Variants in PTPRD observed in about 807,000 individuals in gnomAD.
PTPRD encodes the protein receptor-type tyrosine-protein phosphatase delta.
PTPRD carries 34 observed loss-of-function variants against 214.5 expected under a neutral mutation model. The observed-to-expected ratio is 0.16, with a 90% CI of 0.12 to 0.21. PTPRD has a LOEUF of 0.21. Ranked by LOEUF, PTPRD falls within the 10% of genes least tolerant of loss-of-function variation. The pLI, the probability that PTPRD is intolerant of heterozygous loss-of-function variation, is 1.00. For synonymous variants in PTPRD, 1,128 were observed against 845.7 expected (o/e 1.33, Z -5.79); for missense variants, 2,545 against 2,398.7 (o/e 1.06, Z -1.27).
intron 3 of PTPRD, among the ~76,000 whole-genome samples, chr9:10,193,097 C>A (rs1234610345): frequency 6.6e-6 from 1 of 152,070 alleles, no homozygotes; most frequent in Admixed American, 6.6e-5. Flanking sequence ...TGTCAATTTC[C>A]AGATTTTTCA....
At chr9:10,170,069 G>C (rs1233489142) in intron 3 of PTPRD, among the ~76,000 whole-genome samples, 2 of 152,128 alleles carry the variant, frequency 1.3e-5, no homozygotes, top group Non-Finnish European at 2.9e-5. Flanking sequence ...AAACAGAAGG[G>C]ACTTTTGCAT....
chr9:10,077,331 G>A (rs1054009327), intron 3 of PTPRD, among the ~76,000 whole-genome samples: 1 of 152,058 alleles, frequency 6.6e-6, no homozygotes, highest in African/African-American at 2.4e-5. Flanking sequence ...TCATGCAAAT[G>A]TACTCTAGCT....
intron 44 of PTPRD, among the ~76,000 whole-genome samples, chr9:8,330,608 A>T (rs1288547721): frequency 6.6e-6 from 1 of 152,184 alleles, no homozygotes; most frequent in Non-Finnish European, 1.5e-5. Flanking sequence ...TTTGCTTCTT[A>T]TAACATGCCT....
At chr9:8,602,629 G>C (rs1444839509) in intron 14 of PTPRD, among the ~76,000 whole-genome samples, 2 of 152,166 alleles carry the variant, frequency 1.3e-5, no homozygotes, top group Non-Finnish European at 2.9e-5. Flanking sequence ...CTTTGTAATA[G>C]TCTCATGTGC....
At chr9:8,328,328 G>T (rs567989152) in intron 44 of PTPRD, among the ~76,000 whole-genome samples, 5 of 151,950 alleles carry the variant, frequency 3.3e-5, no homozygotes, top group South Asian at 2.1e-4. Context: ...TTTTCTTTAG[G>T]AATGTTGAAT....
chr9:8,948,545 ATATATATTTATATATATT>A (rs2099084493), intron 11 of PTPRD, among the ~76,000 whole-genome samples: 2 of 85,214 alleles, frequency 2.3e-5, no homozygotes, highest in African/African-American at 9.5e-5. Context: ...ATATATATTT[ATATATATTTATATATATT>A]TATATATATA....
At chr9:9,912,068 T>C (rs1212687468) in intron 5 of PTPRD, among the ~76,000 whole-genome samples, 3 of 152,146 alleles carry the variant, frequency 2.0e-5, no homozygotes, top group Admixed American at 6.6e-5. Flanking sequence ...CTTGCTGATA[T>C]ATCTGCAATA....
At chr9:9,945,981 T>C (rs1356733808) in intron 4 of PTPRD, among the ~76,000 whole-genome samples, 2 of 146,984 alleles carry the variant, frequency 1.4e-5, no homozygotes, top group Admixed American at 1.4e-4. Flanking sequence ...GATATAAAAT[T>C]TAAAATGATA....
At chr9:8,421,527 G>A (rs1402276299) in intron 35 of PTPRD, among the ~76,000 whole-genome samples, 1 of 152,108 alleles carries the variant, frequency 6.6e-6, no homozygotes, top group African/African-American at 2.4e-5. Flanking sequence ...TGAAGACCCT[G>A]TAATCCCTTG....
chr9:9,937,142 G>A (rs573528067), intron 5 of PTPRD, among the ~76,000 whole-genome samples: 64 of 152,004 alleles, frequency 4.2e-4, no homozygotes, highest in African/African-American at 1.5e-3. Flanking sequence ...GAGTTAATGG[G>A]TGCAGCGCAC....
At chr9:10,518,823 C>T (rs187240259) in intron 2 of PTPRD, among the ~76,000 whole-genome samples, 34 of 151,860 alleles carry the variant, frequency 2.2e-4, no homozygotes, top group Admixed American at 1.9e-3. Flanking sequence ...TGAGCCACCG[C>T]GCTCAGCCTT....
At position 8,493,080 on chromosome 9, in the gene PTPRD, C is replaced by T. The variant is rs1358559273; in HGVS notation, c.2350-101G>A. 4 of 933,564 alleles carry T rather than the reference C, an allele frequency of 4.3e-6. No homozygotes were observed. The East Asian group carries it at 7.4e-5, about 17-fold the overall frequency. The allele number at this position is 933,564 out of a possible 1,614,324, so 57.8% of individuals were successfully genotyped here. A position where few individuals can be genotyped will look rare whatever the true frequency, so the allele number is the denominator to read the frequency against. On this transcript the variant is annotated intron_variant, in intron 26 of 45. Transcript: ENST00000381196. ...CTTCATTCTGCAAATGCTCGCACATCCCTTGCAGCCATGCTAAGCCCTGGA... is the reference window on the plus strand; with the variant it reads ...CTTCATTCTGCAAATGCTCGCACATTCCTTGCAGCCATGCTAAGCCCTGGA...
At chr9:10,053,593 G>A (rs2097571581) in intron 3 of PTPRD, among the ~76,000 whole-genome samples, 1 of 152,090 alleles carries the variant, frequency 6.6e-6, no homozygotes, top group African/African-American at 2.4e-5. Flanking sequence ...TAAATGAACA[G>A]CAGTTGAACC....
intron 5 of PTPRD, among the ~76,000 whole-genome samples, chr9:9,782,277 G>A (rs1629016): frequency 0.48 from 73,298 of 151,844 alleles, 18,506 homozygotes; most frequent in East Asian, 0.72. Flanking sequence ...CTGTCTTACA[G>A]GTACCTCTAA....
chr9:9,368,081 A>G (rs2058380576), intron 9 of PTPRD, among the ~76,000 whole-genome samples: 1 of 151,794 alleles, frequency 6.6e-6, no homozygotes, highest in Non-Finnish European at 1.5e-5. Flanking sequence ...ATCCCATTTC[A>G]GTGTGTACAT....
At chr9:9,657,786 A>G (rs1337266831) in intron 7 of PTPRD, among the ~76,000 whole-genome samples, 1 of 152,204 alleles carries the variant, frequency 6.6e-6, no homozygotes, top group Non-Finnish European at 1.5e-5. Flanking sequence ...CCAATTGTAC[A>G]TCGTCCTTCC....
At chr9:10,370,589 CA>C (rs1444710199) in intron 2 of PTPRD, among the ~76,000 whole-genome samples, 1 of 152,036 alleles carries the variant, frequency 6.6e-6, no homozygotes, top group African/African-American at 2.4e-5. Context: ...AATGAAAATA[CA>C]TTTTGAATTG....
At chr9:8,687,271 G>T (rs572520826) in intron 12 of PTPRD, among the ~76,000 whole-genome samples, 3 of 152,050 alleles carry the variant, frequency 2.0e-5, no homozygotes, top group African/African-American at 7.2e-5. Context: ...TTTCTTTCAA[G>T]ATCTCCCAAT....
At chr9:9,690,602 T>A (rs1473591437) in intron 7 of PTPRD, among the ~76,000 whole-genome samples, 2 of 151,986 alleles carry the variant, frequency 1.3e-5, no homozygotes, top group Non-Finnish European at 2.9e-5. Flanking sequence ...ATTTCATAGT[T>A]TTAAGTCTTA....
Sources: allele counts gnomAD v4.1 joint callset (sites outside exome capture counted in the v4.1 genomes callset), GRCh38; gene constraint gnomAD v4.1.1; transcripts MANE v1.5; gene names NCBI Gene and HGNC (gene_info 2026-07-23, HGNC 2026-07-21).